Variants in PROKR1 observed in about 807,000 individuals in gnomAD.
The protein encoded by PROKR1 is G protein-coupled receptor 73.
In PROKR1, 21 loss-of-function variants were observed where a neutral mutation model predicts 22.8. The ratio of observed to expected loss-of-function variants is 0.92; its 90% CI spans 0.65 to 1.32. The LOEUF (loss-of-function observed/expected upper bound fraction) is 1.32, where lower values mean the gene tolerates loss of function less well. PROKR1 is among the 40% of genes most tolerant of loss of function. The probability of loss-of-function intolerance (pLI) is 0.00; values close to 1 mark genes in which losing one functional copy is unlikely to be tolerated. For synonymous variants in PROKR1, 193 were observed against 207.5 expected (o/e 0.93, Z 0.60); for missense variants, 548 against 514.2 (o/e 1.07, Z -0.64).
chr2:68,652,181 TCCCCAA>T (rs1161525735), intron 2 of PROKR1, among the ~76,000 whole-genome samples: 1 of 152,192 alleles, frequency 6.6e-6, no homozygotes, highest in Middle Eastern at 3.2e-3. Flanking sequence ...TTATTTAACT[TCCCCAA>T]GCCTCAGTTT....
chr2:68,655,013 G>C lies in PROKR1; in HGVS notation c.619G>C (p.Val207Leu), dbSNP rs763126261. 1.8e-5 allele frequency: 29 copies of C among 1,613,494 alleles called. No individual in the cohort carries two copies. In the South Asian group the frequency reaches 2.9e-4, roughly 16 times the overall value. The change falls in exon 3 of 3, where the codon GTC (valine) becomes CTC (leucine). Residue 207 changes from valine (V) to leucine (L), a missense_variant. Transcript: ENST00000303786. Reference protein sequence around the residue: ...SAYFTTETVLVIVKSQEKIFC... With the variant: ...SAYFTTETVLLIVKSQEKIFC... The stretch of plus-strand genomic sequence containing the variant: ...CTACTTCACCACCGAGACGGTCCTC[G>C]TCATTGTCAAGAGCCAGGAAAAGAT...
rs549152577 is a variant in PROKR1 at position 68,648,545 on chromosome 2, A to G, written c.485+2239A>G. Among the ~76,000 whole-genome samples, 13 of 152,250 alleles carry G rather than the reference A, an allele frequency of 8.5e-5. No homozygotes were observed. In the South Asian group the frequency reaches 2.5e-3, roughly 29 times the overall value. ...CCATGTGCCTTCACAGGGCTGCCCA[A>G]TGGTCTTGGTGGATGAATGGCTGCA... On this transcript the variant is annotated intron_variant, in intron 2 of 2. Coordinates refer to ENST00000303786, the MANE Select transcript of PROKR1 (RefSeq NM_138964.4).
rs1446815049 is a variant in PROKR1, at chr2:68,656,761, C to T, written c.*1185C>T. On this transcript the variant is annotated 3_prime_UTR_variant, in exon 3 of 3. Coordinates refer to ENST00000303786, the MANE Select transcript of PROKR1 (RefSeq NM_138964.4). ...CCTGAATCCCATCCTAGTCTTTGTT[C>T]CTTTGGATTAAGACTTGCTTTGCTT... 1 of 152,112 alleles carries T rather than the reference C, an allele frequency of 6.6e-6. No homozygotes were observed. The highest frequency in any genetic ancestry group is 1.5e-5 in the Non-Finnish European group (1 of 68,024). The allele number at this position is 152,112 out of a possible 1,614,324, so 9.4% of individuals were successfully genotyped here. A position where few individuals can be genotyped will look rare whatever the true frequency, so the allele number is the denominator to read the frequency against.
At position 68,655,634 on chromosome 2, in the gene PROKR1, G is replaced by A; in HGVS notation, c.*58G>A. The stretch of plus-strand genomic sequence containing the variant: ...CAGGGTCCTGTGGACACTGACTAGT[G>A]TGCTTGGATGCACATCAACCTGGAA... On this transcript the variant is annotated 3_prime_UTR_variant, in exon 3 of 3. Coordinates refer to ENST00000303786, the MANE Select transcript of PROKR1 (RefSeq NM_138964.4). The A allele has an allele frequency of 6.6e-7, 1 of 1,522,806 alleles. No individual in the cohort carries two copies. The allele number at this position is 1,522,806 out of a possible 1,614,324, so 94.3% of individuals were successfully genotyped here. A position where few individuals can be genotyped will look rare whatever the true frequency, so the allele number is the denominator to read the frequency against.
At position 68,655,970 on chromosome 2, in the gene PROKR1, G is replaced by A; in HGVS notation, c.*394G>A. On this transcript the variant is annotated 3_prime_UTR_variant, in exon 3 of 3. Coordinates refer to ENST00000303786, the MANE Select transcript of PROKR1 (RefSeq NM_138964.4). ...GTTCGTAGTGTGAGAGTATCTCTGG[G>A]ACTATTCTTGCACTGGACTTCATGC... 3.2e-6 allele frequency: 1 copy of A among 311,350 alleles called. No individual in the cohort carries two copies. Among genetic ancestry groups the A allele is most frequent in the Non-Finnish European group, 6.2e-6 (1 of 162,006 alleles). The allele number at this position is 311,350 out of a possible 1,614,324, so 19.3% of individuals were successfully genotyped here. A position where few individuals can be genotyped will look rare whatever the true frequency, so the allele number is the denominator to read the frequency against.
intron 2 of PROKR1, among the ~76,000 whole-genome samples, chr2:68,650,560 C>T (rs183874519): frequency 1.8e-4 from 28 of 152,138 alleles, no homozygotes; most frequent in East Asian, 1.7e-3. Flanking sequence ...ATTCACCCAG[C>T]GCTAGGCACT....
At position 68,657,451 on chromosome 2, in the gene PROKR1, A is replaced by G. The variant is rs890927769; in HGVS notation, c.*1875A>G. 6.6e-6 allele frequency: 1 copy of G among 152,214 alleles called. No homozygotes were observed. Among genetic ancestry groups the G allele is most frequent in the Non-Finnish European group, 1.5e-5 (1 of 68,044 alleles). The allele number at this position is 152,214 out of a possible 1,614,324, so 9.4% of individuals were successfully genotyped here. On this transcript the variant is annotated 3_prime_UTR_variant, in exon 3 of 3. Transcript: ENST00000303786. ...TCATGAGATTTGCTGGTAGACGCAT[A>G]AAGGAAAGGGTGGCTGAGTCTCCGG...
In PROKR1 at chr2:68,647,090, T is replaced by A. The variant is rs115235798; in HGVS notation, c.485+784T>A. On this transcript the variant is annotated intron_variant, in intron 2 of 2. Coordinates refer to ENST00000303786, the MANE Select transcript of PROKR1 (RefSeq NM_138964.4). ...AATAAAAATAAAAAGATTGAGGGAT[T>A]TGTTTTGAAAAAAAAGGGAACATAT... is the stretch of plus-strand genomic sequence containing the variant. 8.5e-3 allele frequency among the ~76,000 whole-genome samples: 1,282 copies of A among 150,724 alleles called. 9 individuals carry two copies. Among genetic ancestry groups the A allele is most frequent in the Non-Finnish European group, 0.012 (820 of 67,546 alleles).
At chr2:68,649,024 T>G (rs1270921185) in intron 2 of PROKR1, among the ~76,000 whole-genome samples, 1 of 152,196 alleles carries the variant, frequency 6.6e-6, no homozygotes, top group African/African-American at 2.4e-5. Flanking sequence ...ATATGATAAT[T>G]CTTAAATTAA....
chr2:68,651,649 A>G (rs1469270998), intron 2 of PROKR1, among the ~76,000 whole-genome samples: 1 of 152,154 alleles, frequency 6.6e-6, no homozygotes, highest in Non-Finnish European at 1.5e-5. Context: ...TGGCCTGAGG[A>G]TCAGGTTGTG....
At chr2:68,650,347 T>G (rs1467592706) in intron 2 of PROKR1, among the ~76,000 whole-genome samples, 1 of 152,208 alleles carries the variant, frequency 6.6e-6, no homozygotes, top group Non-Finnish European at 1.5e-5. Flanking sequence ...TATGTCCTGT[T>G]TTCCCAAAAA....
chr2:68,645,487 C>T (rs758073411), intron 1 of PROKR1, among the ~76,000 whole-genome samples, 175 bp from the exon 2 acceptor site: 11 of 152,200 alleles, frequency 7.2e-5, no homozygotes, highest in Non-Finnish European at 8.8e-5. Flanking sequence ...CCACCCTTCC[C>T]TAATTGAGTA....
intron 1 of PROKR1, among the ~76,000 whole-genome samples, chr2:68,644,501 T>C (rs1382616263): frequency 6.6e-6 from 1 of 152,130 alleles, no homozygotes; most frequent in Admixed American, 6.5e-5. Flanking sequence ...GGGCTGAGCC[T>C]CACTGGGGCG....
At chr2:68,649,506 G>A (rs1323019758) in intron 2 of PROKR1, 3 of 152,116 alleles carry the variant, frequency 2.0e-5, no homozygotes, top group Admixed American at 2.0e-4. Context: ...GCTATTGCAA[G>A]CACTGGAGAT....
Position 68,654,890 on chromosome 2 carries a change from A to T in PROKR1, c.496A>T (p.Ile166Phe). The T allele has an allele frequency of 6.2e-7, 1 of 1,611,608 alleles. No individual in the cohort carries two copies. The highest frequency in any genetic ancestry group is 8.5e-7 in the Non-Finnish European group (1 of 1,179,208). Residue 166 changes from isoleucine (I) to phenylalanine (F), a missense_variant, in exon 3 of 3, where the codon ATT becomes TTT. By Grantham distance (21) the Ile-to-Phe change is conservative. Transcript: ENST00000303786. ...GTGTTCTTGCCCTAGGTATCTGGCT[A>T]TTGTCCATCCGCTGAGACCACGGAT... ...LAIAIDRYLA[I>F]VHPLRPRMKC...
At chr2:68,649,632 A>C (rs879070561) in intron 2 of PROKR1, 3 of 152,222 alleles carry the variant, frequency 2.0e-5, no homozygotes, top group Non-Finnish European at 2.9e-5. Flanking sequence ...AGCAAGAAAT[A>C]CTCTGAACAA....
rs1045185913 is a variant in PROKR1, at chr2:68,651,830, C to T, written c.486-3050C>T. ...TCTCTTTGTCTAGCAGCCTTTATTC[C>T]TTGTTCTCTGGGAACTGTTAGCTCT... On this transcript the variant is annotated intron_variant, in intron 2 of 2. Transcript: ENST00000303786. Among the ~76,000 whole-genome samples, 3 of 152,202 alleles carry T rather than the reference C, an allele frequency of 2.0e-5. No homozygotes were observed. In the South Asian group the frequency reaches 6.2e-4, roughly 31 times the overall value.
chr2:68,646,242 A>T lies in PROKR1; in HGVS notation c.421A>T (p.Asn141Tyr), dbSNP rs1473017568. The part of the protein sequence containing the change: ...EHGHVLCTSV[N>Y]YLRTVSLYVS... ...CGGCCACGTCCTGTGCACCTCTGTC[A>T]ACTACCTGCGCACTGTCTCTCTCTA... The change falls in exon 2 of 3, where the codon AAC becomes TAC. Residue 141 changes from asparagine to tyrosine, a missense_variant. By Grantham distance (143) the Asn-to-Tyr change is moderately radical. Coordinates refer to ENST00000303786, the MANE Select transcript of PROKR1 (RefSeq NM_138964.4). 1 of 1,613,986 alleles carries T rather than the reference A, an allele frequency of 6.2e-7. No homozygotes were observed. The highest frequency in any genetic ancestry group is 1.3e-5 in the African/African-American group (1 of 74,910).
At position 68,645,647 on chromosome 2, in the gene PROKR1, G is replaced by T; in HGVS notation, c.-160-15G>T. The stretch of plus-strand genomic sequence containing the variant: ...TACTGCAACATATAGCCAACTGTTT[G>T]TATGTCTTTCAAAGGTTTAGAATGG... On this transcript the variant is annotated splice_polypyrimidine_tract_variant and intron_variant, in intron 1 of 2. Transcript: ENST00000303786. 2 of 907,744 alleles carry T rather than the reference G, an allele frequency of 2.2e-6. No individual in the cohort carries two copies. Among genetic ancestry groups the T allele is most frequent in the Non-Finnish European group, 3.3e-6 (2 of 600,500 alleles). 56.2% of individuals were successfully genotyped at this position (907,744 alleles called of 1,614,324 possible). A position where few individuals can be genotyped will look rare whatever the true frequency, so the allele number is the denominator to read the frequency against.
Sources: gnomAD v4.1 joint callset for allele counts (sites outside exome capture counted in the v4.1 genomes callset) on GRCh38, gnomAD v4.1.1 for gene constraint, MANE v1.5 for transcripts, NCBI Gene and HGNC (gene_info 2026-07-23, HGNC 2026-07-21) for gene names.